SCG3: variants seen among roughly 807,000 people sequenced by gnomAD.
SCG3 encodes secretogranin III.
In SCG3, 38 loss-of-function variants were observed where a neutral mutation model predicts 56.2. The observed-to-expected ratio is 0.68, with a 90% CI of 0.52 to 0.89. The LOEUF (loss-of-function observed/expected upper bound fraction) is 0.89. Among genes scored for constraint, SCG3 ranks in the 40% least tolerant of loss-of-function variants. The pLI is 0.00. For synonymous variants in SCG3, 176 were observed against 184.2 expected (o/e 0.96, Z 0.36); for missense variants, 524 against 540.7 (o/e 0.97, Z 0.31).
rs1463472567 is a variant in SCG3 at position 51,701,260 on chromosome 15, C to T, written c.1207+16C>T. The T allele has an allele frequency of 1.3e-6, 2 of 1,551,836 alleles. No homozygotes were observed. Among genetic ancestry groups the T allele is most frequent in the South Asian group, 1.3e-5 (1 of 79,208 alleles). ...GAACCCAAAGGTATGGGATTGACAGCTCTAGGTTAGCAATGAAATTGGGAA... is the reference window on the plus strand; with the variant it reads ...GAACCCAAAGGTATGGGATTGACAGTTCTAGGTTAGCAATGAAATTGGGAA... On this transcript the variant is annotated intron_variant, in intron 10 of 11. Coordinates refer to ENST00000220478, the MANE Select transcript of SCG3 (RefSeq NM_013243.4).
Position 51,695,926 on chromosome 15 carries a change from T to C in SCG3, c.920T>C (p.Ile307Thr), listed in dbSNP as rs148842206. 230 of 1,611,588 alleles carry C rather than the reference T, an allele frequency of 1.4e-4. No homozygotes were observed. The highest frequency in any genetic ancestry group is 1.7e-4 in the Non-Finnish European group (205 of 1,178,040). The part of the protein sequence containing the change: ...ETLITIMKTL[I>T]DFVKMMVKYG... Reference sequence around the variant, plus strand: ...CTGATTACTATCATGAAAACACTGATTGACTTTGTGAAGATGATGGTGAAA... The same window carrying C: ...CTGATTACTATCATGAAAACACTGACTGACTTTGTGAAGATGATGGTGAAA... Residue 307 changes from isoleucine to threonine, a missense_variant, in exon 8 of 12, where the codon ATT becomes ACT. Transcript: ENST00000220478.
rs140773353 is a variant in SCG3, at chr15:51,703,067, T to C, written c.1207+1823T>C. Among the ~76,000 whole-genome samples the C allele has an allele frequency of 4.7e-4, 72 of 152,236 alleles. 1 individual carries two copies. Among genetic ancestry groups the C allele is most frequent in the African/African-American group, 1.5e-3 (61 of 41,544 alleles). On this transcript the variant is annotated intron_variant, in intron 10 of 11. Coordinates refer to ENST00000220478, the MANE Select transcript of SCG3 (RefSeq NM_013243.4). The stretch of plus-strand genomic sequence containing the variant: ...CAATTTATCATCTGAAAACACACCA[T>C]TGGACTCTCTGAAAAGAGATTTTCA...
At chr15:51,689,195 A>G (rs768076072) in intron 5 of SCG3, 24 bp from the exon 6 acceptor site, 1 of 1,610,178 alleles carries the variant, frequency 6.2e-7, no homozygotes, top group Admixed American at 1.7e-5. Flanking sequence ...TAGCAGTTAT[A>G]TATGTTTTGC....
chr15:51,682,442 A>G (rs3214014), intron 1 of SCG3, 75 bp from the exon 2 acceptor site: 25 of 731,522 alleles, frequency 3.4e-5, no homozygotes, highest in Non-Finnish European at 5.6e-5. Context: ...CTTTTTATAA[A>G]AATTTTATTT....
Position 51,699,330 on chromosome 15 carries a change from G to A in SCG3, c.997G>A (p.Glu333Lys), listed in dbSNP as rs137873046. ...CTTCCTCCCTCCAGAAAACTTGGATGAAATGATTGCTCTTCAGACCAAAAA... is the reference window on the plus strand; with the variant it reads ...CTTCCTCCCTCCAGAAAACTTGGATAAAATGATTGCTCTTCAGACCAAAAA... The part of the protein sequence containing the change: ...EGVSYLENLD[E>K]MIALQTKNKL... Residue 333 changes from glutamate (E) to lysine (K), a missense_variant, in exon 9 of 12, where the codon GAA becomes AAA. Transcript: ENST00000220478. 34 of 1,604,552 alleles carry A rather than the reference G, an allele frequency of 2.1e-5. No homozygotes were observed. Among genetic ancestry groups the A allele is most frequent in the Non-Finnish European group, 2.9e-5 (34 of 1,177,208 alleles).
chr15:51,713,310 T>C, intron 10 of SCG3, 23 bp from the exon 11 acceptor site: 11 of 1,484,216 alleles, frequency 7.4e-6, no homozygotes, highest in Non-Finnish European at 1.0e-5. Flanking sequence ...GAGTGTTTGA[T>C]ATAGTTCTCT....
intron 9 of SCG3, among the ~76,000 whole-genome samples, 185 bp downstream of exon 9, chr15:51,699,587 C>T (rs2055326808): frequency 6.6e-6 from 1 of 152,152 alleles, no homozygotes; most frequent in East Asian, 1.9e-4. Context: ...GCACATAAAT[C>T]TGACCTCAAA....
chr15:51,704,221 A>G (rs532501307), intron 10 of SCG3, among the ~76,000 whole-genome samples: 172 of 129,724 alleles, frequency 1.3e-3, no homozygotes, highest in Admixed American at 2.2e-3. Flanking sequence ...ATATATATAT[A>G]TGTGTGTATA....
chr15:51,688,131 G>C (rs535296114), intron 4 of SCG3, 129 bp from the exon 5 acceptor site: 1 of 875,786 alleles, frequency 1.1e-6, no homozygotes, highest in Non-Finnish European at 1.6e-6. Flanking sequence ...TCTGTGGACC[G>C]AGAACCACCA....
Position 51,683,543 on chromosome 15 carries a change from G to A in SCG3, c.397+109G>A, listed in dbSNP as rs78597145. 755 of 670,910 alleles carry A rather than the reference G, an allele frequency of 1.1e-3. 4 individuals are homozygous for A. In the African/African-American group the frequency reaches 0.013, roughly 11 times the overall value. 41.6% of individuals were successfully genotyped at this position (670,910 alleles called of 1,614,324 possible). On this transcript the variant is annotated intron_variant, in intron 4 of 11. Coordinates refer to ENST00000220478, the MANE Select transcript of SCG3 (RefSeq NM_013243.4). The stretch of plus-strand genomic sequence containing the variant: ...TTTAAACATTCATAATCCTTTATTA[G>A]TCAAGTCCAAAATTGAGATAAAGCA...
chr15:51,713,133 A>C (rs979925181), intron 10 of SCG3, 200 bp from the exon 11 acceptor site: 2 of 383,760 alleles, frequency 5.2e-6, no homozygotes, highest in Non-Finnish European at 9.4e-6. Context: ...CCTCATCCGC[A>C]CCTGCTCTCC....
At chr15:51,687,273 C>G (rs961931922) in intron 4 of SCG3, among the ~76,000 whole-genome samples, 1 of 152,126 alleles carries the variant, frequency 6.6e-6, no homozygotes, top group African/African-American at 2.4e-5. Context: ...TACAGTGATC[C>G]AAGGATATAG....
At chr15:51,704,875 A>T (rs2055365204) in intron 10 of SCG3, among the ~76,000 whole-genome samples, 1 of 147,842 alleles carries the variant, frequency 6.8e-6, no homozygotes, top group African/African-American at 2.5e-5. Flanking sequence ...TGCTAATTCT[A>T]TTTTTAATTT....
intron 4 of SCG3, among the ~76,000 whole-genome samples, chr15:51,684,783 A>C (rs1048007376): frequency 7.2e-5 from 11 of 152,212 alleles, no homozygotes; most frequent in African/African-American, 2.7e-4. Flanking sequence ...CTCCAAAACT[A>C]AACTGAAAAC....
intron 10 of SCG3, among the ~76,000 whole-genome samples, chr15:51,702,181 C>G (rs1476463121): frequency 6.6e-6 from 1 of 152,104 alleles, no homozygotes; most frequent in African/African-American, 2.4e-5. Flanking sequence ...ATGACAAATT[C>G]AATATATCAA....
At chr15:51,692,856 A>G (rs1244737161) in intron 7 of SCG3, among the ~76,000 whole-genome samples, 1 of 151,372 alleles carries the variant, frequency 6.6e-6, no homozygotes, top group Non-Finnish European at 1.5e-5. Context: ...TATAGTTAAC[A>G]TTTTTTTCTT....
At position 51,688,115 on chromosome 15, in the gene SCG3, A is replaced by C. The variant is rs1342910178; in HGVS notation, c.398-145A>C. 4.1e-6 allele frequency: 3 copies of C among 737,434 alleles called. No individual in the cohort carries two copies. The East Asian group carries it at 8.8e-5, about 22-fold the overall frequency. 45.7% of individuals were successfully genotyped at this position (737,434 alleles called of 1,614,324 possible). On this transcript the variant is annotated intron_variant, in intron 4 of 11. Coordinates refer to ENST00000220478, the MANE Select transcript of SCG3 (RefSeq NM_013243.4). ...TGAAGACCAATTTTATTTCAAACCGAGGGTTTCTGTGGACCGAGAACCACC... is the reference window on the plus strand; with the variant it reads ...TGAAGACCAATTTTATTTCAAACCGCGGGTTTCTGTGGACCGAGAACCACC...
intron 11 of SCG3, among the ~76,000 whole-genome samples, chr15:51,717,477 T>C (rs1415577335): frequency 2.0e-5 from 3 of 149,516 alleles, no homozygotes; most frequent in African/African-American, 7.4e-5. Flanking sequence ...AAGGCTACAG[T>C]GAGCCATGAT....
intron 4 of SCG3, among the ~76,000 whole-genome samples, chr15:51,687,703 A>G (rs940068269): frequency 5.3e-5 from 8 of 152,244 alleles, no homozygotes; most frequent in African/African-American, 9.6e-5. Context: ...ACACTCTAAT[A>G]CAAGTTCAAT....
Sources: gnomAD v4.1 joint callset for allele counts (sites outside exome capture counted in the v4.1 genomes callset) on GRCh38, gnomAD v4.1.1 for gene constraint, MANE v1.5 for transcripts, NCBI Gene and HGNC (gene_info 2026-07-23, HGNC 2026-07-21) for gene names.